Variants in FRAS1 observed in about 807,000 individuals in gnomAD.
The protein encoded by FRAS1 is extracellular matrix organizing protein FRAS1.
Under a neutral mutation model 435.2 loss-of-function variants are expected in FRAS1, and 290 were observed. The ratio of observed to expected loss-of-function variants is 0.67; its 90% CI spans 0.61 to 0.73. The LOEUF (loss-of-function observed/expected upper bound fraction) is 0.73. Ranked by LOEUF, FRAS1 falls within the 30% of genes least tolerant of loss-of-function variation. The probability of loss-of-function intolerance (pLI) is 0.00; values close to 1 mark genes in which losing one functional copy is unlikely to be tolerated. For synonymous variants in FRAS1, 1,800 were observed against 1,851.0 expected (o/e 0.97, Z 0.71); for missense variants, 4,860 against 5,001.5 (o/e 0.97, Z 0.85).
At chr4:78,174,474 C>T (rs140025875) in intron 2 of FRAS1, among the ~76,000 whole-genome samples, 28 of 152,288 alleles carry the variant, frequency 1.8e-4, no homozygotes, top group African/African-American at 5.5e-4. Context: ...ACTCCCATCC[C>T]GCTCTACAAG....
At chr4:78,173,783 A>C (rs1333646343) in intron 2 of FRAS1, among the ~76,000 whole-genome samples, 2 of 152,292 alleles carry the variant, frequency 1.3e-5, no homozygotes, top group Non-Finnish European at 2.9e-5. Context: ...AGACATTCTA[A>C]TTTCTTACTG....
intron 63 of FRAS1, among the ~76,000 whole-genome samples, chr4:78,511,061 A>G (rs1721018600): frequency 6.6e-6 from 1 of 152,200 alleles, no homozygotes; most frequent in Non-Finnish European, 1.5e-5. Flanking sequence ...CTTGTTGACT[A>G]TCTTACCCCC....
intron 69 of FRAS1, among the ~76,000 whole-genome samples, chr4:78,524,630 A>C (rs1168759428): frequency 1.3e-5 from 2 of 152,174 alleles, no homozygotes; most frequent in African/African-American, 4.8e-5. Flanking sequence ...AAGGCTTGGG[A>C]GGCTATGCTA....
At chr4:78,233,125 A>G (rs1052302869) in intron 2 of FRAS1, among the ~76,000 whole-genome samples, 6 of 152,234 alleles carry the variant, frequency 3.9e-5, no homozygotes, top group Middle Eastern at 3.2e-3. Context: ...TTTGGAGGTC[A>G]CTGTCAAAAT....
intron 2 of FRAS1, among the ~76,000 whole-genome samples, chr4:78,186,436 G>A (rs1321425416): frequency 1.3e-5 from 2 of 152,204 alleles, no homozygotes; most frequent in Non-Finnish European, 2.9e-5. Context: ...TGTGAACTAT[G>A]TGGAAGTGTG....
At chr4:78,248,782 G>A (rs1455861463) in intron 4 of FRAS1, among the ~76,000 whole-genome samples, 3 of 151,516 alleles carry the variant, frequency 2.0e-5, no homozygotes, top group Non-Finnish European at 2.9e-5. Context: ...CTTTCTTTTG[G>A]ACTTATGTCA....
At position 78,067,235 on chromosome 4, in the gene FRAS1, A is replaced by G. The variant is rs187439368; in HGVS notation, c.108+1219A>G. 7.4e-4 allele frequency among the ~76,000 whole-genome samples: 113 copies of G among 152,286 alleles called. 3 individuals carry two copies. Among genetic ancestry groups the G allele is most frequent in the African/African-American group, 2.6e-3 (108 of 41,554 alleles). ...AAATAGGCAGGCCATGTATCATTCC[A>G]TACTCTTTCCCCTTTTAATGGAAAA... On this transcript the variant is annotated intron_variant, in intron 2 of 73. Transcript: ENST00000512123.
At chr4:78,118,710 T>C (rs7441634) in intron 2 of FRAS1, among the ~76,000 whole-genome samples, 42,574 of 152,076 alleles carry the variant, frequency 0.28, 6,298 homozygotes, top group African/African-American at 0.35. Context: ...TTCCAGGTGC[T>C]GTCTGTCAAC....
At chr4:78,370,292 A>G (rs1051872593) in intron 23 of FRAS1, among the ~76,000 whole-genome samples, 2 of 152,178 alleles carry the variant, frequency 1.3e-5, no homozygotes, top group Non-Finnish European at 2.9e-5. Context: ...TGTCTACTTA[A>G]TGTTTCAATG....
At position 78,384,094 on chromosome 4, in the gene FRAS1, AG is replaced by A. The variant is rs1242747401; in HGVS notation, c.3600del (p.Gln1200HisfsTer8). 6.2e-7 allele frequency: 1 copy of A among 1,607,178 alleles called. No homozygotes were observed. The highest frequency in any genetic ancestry group is 1.7e-5 in the Admixed American group (1 of 58,632). ...GYLFLKISDQ[Q>X]FFSEPQLINI... Reference sequence around the variant, plus strand: ...CTTTTCCTGAAAATTAGTGACCAGCAGTTCTTCTCTGAGCCACAGCTGATCA... The same window carrying A: ...CTTTTCCTGAAAATTAGTGACCAGCATTCTTCTCTGAGCCACAGCTGATCA... On this transcript the variant is annotated frameshift_variant, in exon 28 of 74. Coordinates refer to ENST00000512123, the MANE Select transcript of FRAS1 (RefSeq NM_025074.7). LOFTEE classifies it high-confidence loss of function.
chr4:78,334,616 G>A (rs1457912696), intron 19 of FRAS1, among the ~76,000 whole-genome samples: 4 of 151,670 alleles, frequency 2.6e-5, no homozygotes, highest in Admixed American at 6.6e-5. Context: ...TGATCCACCC[G>A]CCTCAGCCTC....
At chr4:78,420,893 TA>T in intron 33 of FRAS1, among the ~76,000 whole-genome samples, 1 of 49,026 alleles carries the variant, frequency 2.0e-5, no homozygotes, top group Middle Eastern at 8.3e-3. Flanking sequence ...TATATATATA[TA>T]TATATATATA....
At chr4:78,100,285 G>A (rs1742056994) in intron 2 of FRAS1, among the ~76,000 whole-genome samples, 1 of 152,148 alleles carries the variant, frequency 6.6e-6, no homozygotes, top group Non-Finnish European at 1.5e-5. Context: ...GTACTCCAGG[G>A]ATTCTTCAGG....
intron 49 of FRAS1, among the ~76,000 whole-genome samples, chr4:78,465,578 AG>A (rs1280485211): frequency 1.3e-5 from 2 of 152,256 alleles, no homozygotes; most frequent in African/African-American, 4.8e-5. Flanking sequence ...AAGTGCACTT[AG>A]ACTCTGGGAA....
intron 20 of FRAS1, among the ~76,000 whole-genome samples, chr4:78,343,531 C>G (rs1255665158): frequency 1.3e-5 from 2 of 151,808 alleles, no homozygotes; most frequent in African/African-American, 4.8e-5. Flanking sequence ...ACCCTTTTGC[C>G]TGCTGAAGAG....
At chr4:78,380,402 T>C (rs1025980066) in intron 27 of FRAS1, among the ~76,000 whole-genome samples, 1 of 152,216 alleles carries the variant, frequency 6.6e-6, no homozygotes, top group African/African-American at 2.4e-5. Context: ...GTCTCTGGGA[T>C]TTTAGAGTTG....
intron 2 of FRAS1, among the ~76,000 whole-genome samples, chr4:78,216,298 C>T (rs543400461): frequency 7.2e-5 from 11 of 152,334 alleles, no homozygotes; most frequent in Non-Finnish European, 1.5e-4. Flanking sequence ...TAAATTAACT[C>T]AGTATGGATG....
intron 58 of FRAS1, among the ~76,000 whole-genome samples, chr4:78,488,440 G>A (rs961565543): frequency 1.3e-5 from 2 of 152,116 alleles, no homozygotes; most frequent in Non-Finnish European, 1.5e-5. Flanking sequence ...AATGTGAGTG[G>A]CCATTTAGCA....
At chr4:78,307,634 A>G (rs1449892251) in intron 14 of FRAS1, among the ~76,000 whole-genome samples, 2 of 152,000 alleles carry the variant, frequency 1.3e-5, no homozygotes, top group Non-Finnish European at 2.9e-5. Flanking sequence ...GCCGTCTGTC[A>G]CCCCTGTCTT....
Sources: allele counts gnomAD v4.1 joint callset (sites outside exome capture counted in the v4.1 genomes callset), GRCh38; gene constraint gnomAD v4.1.1; transcripts MANE v1.5; gene names NCBI Gene and HGNC (gene_info 2026-07-23, HGNC 2026-07-21).